The following ATP13A4 variants were observed in gnomAD, a reference collection of about 807,000 sequenced individuals.
The protein encoded by ATP13A4 is probable cation-transporting ATPase 13A4.
In ATP13A4, 114 loss-of-function variants were observed where a neutral mutation model predicts 142.5. The ratio of observed to expected loss-of-function variants is 0.80; its 90% CI spans 0.69 to 0.93. The LOEUF (loss-of-function observed/expected upper bound fraction) is 0.93, where lower values mean the gene tolerates loss of function less well. Ranked by LOEUF, ATP13A4 falls within the 40% of genes least tolerant of loss-of-function variation. The pLI is 0.00. For missense variants in ATP13A4, 1,392 were observed against 1,454.0 expected, an observed-to-expected ratio of 0.96 and a Z score of 0.69; for synonymous variants, 488 against 514.8, an observed-to-expected ratio of 0.95 and a Z score of 0.70.
intron 2 of ATP13A4, among the ~76,000 whole-genome samples, chr3:193,512,217 G>A (rs1721177427): frequency 1.3e-5 from 2 of 152,118 alleles, no homozygotes; most frequent in African/African-American, 4.8e-5. Context: ...TTACGTTCAT[G>A]CCAGAAAATA....
intron 1 of ATP13A4, among the ~76,000 whole-genome samples, chr3:193,539,066 T>C (rs903110991): frequency 2.0e-5 from 3 of 151,854 alleles, no homozygotes; most frequent in African/African-American, 7.3e-5. Flanking sequence ...AGAGACAGGG[T>C]TTCTGCATGT....
rs368653549 is a variant in ATP13A4 at position 193,448,278 on chromosome 3, G to A, written c.2080C>T (p.Arg694Ter). 6.2e-7 allele frequency: 1 copy of A among 1,614,056 alleles called. No homozygotes were observed. ...ACAGGTTTTGTCTCTTCCTTCAATC[G>A]ATTCTCCAAGATCAGCAGCCCCAGA... is the stretch of plus-strand genomic sequence containing the variant. Reference protein sequence around the residue: ...IFLGLLILENRLKEETKPVLE... With the variant: ...IFLGLLILEN Residue 694 changes from arginine (R) to a stop codon, truncating the protein, a stop_gained, in exon 18 of 30, where the codon CGA (arginine) becomes TGA (stop). Coordinates refer to ENST00000342695, the MANE Select transcript of ATP13A4 (RefSeq NM_032279.4). LOFTEE classifies it high-confidence loss of function.
At chr3:193,451,835 C>A (rs1005985629) in intron 17 of ATP13A4, among the ~76,000 whole-genome samples, 6 of 152,160 alleles carry the variant, frequency 3.9e-5, no homozygotes, top group Admixed American at 1.3e-4. Context: ...AATGTTCCAT[C>A]CTAATCAGGA....
At chr3:193,474,728 AAG>A (rs748017419) in intron 8 of ATP13A4, among the ~76,000 whole-genome samples, 5 of 120,948 alleles carry the variant, frequency 4.1e-5, no homozygotes, top group Admixed American at 2.5e-4. Context: ...GAGAGAAAGA[AAG>A]AGAAAGAAAG....
intron 2 of ATP13A4, among the ~76,000 whole-genome samples, chr3:193,581,137 T>A (rs1341452164): frequency 1.3e-5 from 2 of 152,220 alleles, no homozygotes; most frequent in Admixed American, 6.5e-5. Flanking sequence ...ACAATGAAGA[T>A]GTACATTAGG....
intron 1 of ATP13A4, chr3:193,553,770 A>G (rs1463912367): frequency 3.9e-5 from 6 of 152,234 alleles, no homozygotes; most frequent in African/African-American, 1.4e-4. Context: ...AGGAACAGGT[A>G]AGCAGATTAG....
chr3:193,582,630 CATACATTATAT>C (rs1436552561), intron 1 of ATP13A4, among the ~76,000 whole-genome samples: 3,760 of 78,436 alleles, frequency 0.048, 494 homozygotes, highest in Non-Finnish European at 0.054. Context: ...ATGTATATTA[CATACATTATAT>C]ATGTATATTA....
chr3:193,504,769 C>T (rs548918193), intron 2 of ATP13A4, among the ~76,000 whole-genome samples: 19 of 152,170 alleles, frequency 1.2e-4, no homozygotes, highest in Non-Finnish European at 2.4e-4. Flanking sequence ...TAAATAGGAA[C>T]ACAAATTATA....
intron 25 of ATP13A4, among the ~76,000 whole-genome samples, chr3:193,432,533 T>C (rs1409337194): frequency 6.6e-6 from 1 of 152,072 alleles, no homozygotes; most frequent in Non-Finnish European, 1.5e-5. Context: ...CTGTGGTACA[T>C]ACAGACAATG....
chr3:193,412,159 G>A lies in ATP13A4; in HGVS notation c.3208+19C>T. 1.3e-6 allele frequency: 2 copies of A among 1,576,174 alleles called. No individual in the cohort carries two copies. The highest frequency in any genetic ancestry group is 1.3e-5 in the African/African-American group (1 of 74,166). On this transcript the variant is annotated intron_variant, in intron 27 of 29. Transcript: ENST00000342695. ...TCTCTGATGACTTCTCACCTCTGAT[G>A]CAGTACAGTTCTACTCACAGTTTGT...
chr3:193,549,019 A>G (rs1723387515), intron 1 of ATP13A4, among the ~76,000 whole-genome samples: 1 of 152,262 alleles, frequency 6.6e-6, no homozygotes, highest in Non-Finnish European at 1.5e-5. Context: ...TAATACAACC[A>G]CAGAATATCA....
At chr3:193,571,025 C>T (rs1724251126) in intron 2 of ATP13A4, among the ~76,000 whole-genome samples, 6 of 152,058 alleles carry the variant, frequency 3.9e-5, no homozygotes, top group Admixed American at 3.3e-4. Flanking sequence ...TGCCTGTAAT[C>T]CCAGCACTTT....
At chr3:193,476,115 A>G (rs1053087605) in intron 8 of ATP13A4, among the ~76,000 whole-genome samples, 4 of 152,086 alleles carry the variant, frequency 2.6e-5, no homozygotes, top group African/African-American at 9.7e-5. Flanking sequence ...TGAGGTCAGT[A>G]TGACCTCATA....
Position 193,514,285 on chromosome 3 carries a change from T to C in ATP13A4, c.234+413A>G, listed in dbSNP as rs1342907344. Among the ~76,000 whole-genome samples the C allele has an allele frequency of 3.3e-5, 5 of 152,184 alleles. No individual in the cohort carries two copies. The East Asian group carries it at 9.6e-4, about 29-fold the overall frequency. On this transcript the variant is annotated intron_variant, in intron 2 of 29. Coordinates refer to ENST00000342695, the MANE Select transcript of ATP13A4 (RefSeq NM_032279.4). Reference sequence around the variant, plus strand: ...CCCGTATGTGTTGTTCCCTTCTATGTGTCCATGTGTTATCATTTAGCTCCC... The same window carrying C: ...CCCGTATGTGTTGTTCCCTTCTATGCGTCCATGTGTTATCATTTAGCTCCC...
intron 3 of ATP13A4, among the ~76,000 whole-genome samples, chr3:193,499,949 A>G (rs1008132818): frequency 6.6e-6 from 1 of 152,172 alleles, no homozygotes; most frequent in African/African-American, 2.4e-5. Context: ...TCTTCTGACA[A>G]TTTCTTAAGC....
At chr3:193,551,310 G>T (rs1386722972) in intron 1 of ATP13A4, among the ~76,000 whole-genome samples, 1 of 152,118 alleles carries the variant, frequency 6.6e-6, no homozygotes, top group Non-Finnish European at 1.5e-5. Context: ...GTACTCGGGA[G>T]GCTGAAGCAG....
intron 1 of ATP13A4, among the ~76,000 whole-genome samples, chr3:193,541,810 T>G (rs1052166477): frequency 1.3e-5 from 2 of 152,164 alleles, no homozygotes; most frequent in Non-Finnish European, 2.9e-5. Flanking sequence ...GCAAAAATGA[T>G]TCAGTCAGAG....
chr3:193,415,749 AG>A (rs1715026404), intron 25 of ATP13A4, among the ~76,000 whole-genome samples: 1 of 151,426 alleles, frequency 6.6e-6, no homozygotes, highest in Non-Finnish European at 1.5e-5. Context: ...GCAGTTGCCT[AG>A]GGCAAAAAAA....
chr3:193,420,128 A>G (rs1715333120), intron 25 of ATP13A4, among the ~76,000 whole-genome samples: 2 of 149,854 alleles, frequency 1.3e-5, no homozygotes, highest in Non-Finnish European at 2.9e-5. Flanking sequence ...CTAGCTTCAC[A>G]GCCTCTCTAA....
Sources: allele counts gnomAD v4.1 joint callset (sites outside exome capture counted in the v4.1 genomes callset), GRCh38; gene constraint gnomAD v4.1.1; transcripts MANE v1.5; gene names NCBI Gene and HGNC (gene_info 2026-07-23, HGNC 2026-07-21).